WDR53: variants seen among roughly 807,000 people sequenced by gnomAD.
WDR53 encodes WD repeat-containing protein 53.
WDR53 carries 19 observed loss-of-function variants against 21.3 expected under a neutral mutation model. The ratio of observed to expected loss-of-function variants is 0.89; its 90% confidence interval spans 0.62 to 1.31. The LOEUF is 1.31. Ranked by LOEUF, WDR53 falls within the 50% of genes most tolerant of loss-of-function variation. The pLI is 0.00. For missense variants in WDR53, 374 were observed against 423.2 expected (o/e 0.88, Z 1.02); for synonymous variants, 157 against 163.4 (o/e 0.96, Z 0.30).
At chr3:196,560,559 G>A (rs936491674) in intron 3 of WDR53, among the ~76,000 whole-genome samples, 6 of 152,130 alleles carry the variant, frequency 3.9e-5, no homozygotes, top group Non-Finnish European at 8.8e-5. Flanking sequence ...TCAAAACTCA[G>A]CATTGAATAC....
intron 2 of WDR53, among the ~76,000 whole-genome samples, chr3:196,566,046 A>C (rs1035337331): frequency 6.6e-6 from 1 of 152,132 alleles, no homozygotes; most frequent in Non-Finnish European, 1.5e-5. Context: ...TCCTTCTAAT[A>C]CCTAAAGAAA....
intron 3 of WDR53, among the ~76,000 whole-genome samples, chr3:196,557,474 C>T (rs1010583258): frequency 8.5e-5 from 13 of 152,056 alleles, no homozygotes; most frequent in Admixed American, 3.9e-4. Flanking sequence ...TGAGGGAGTG[C>T]GAGGCTGCGG....
intron 3 of WDR53, 47 bp from the exon 4 acceptor site, chr3:196,554,854 T>A: frequency 6.7e-7 from 1 of 1,495,340 alleles, no homozygotes; most frequent in Non-Finnish European, 9.2e-7. Flanking sequence ...GCTAGCCAAT[T>A]TGCTCAACTA....
At chr3:196,559,285 G>A (rs1346013080) in intron 3 of WDR53, among the ~76,000 whole-genome samples, 1 of 152,194 alleles carries the variant, frequency 6.6e-6, no homozygotes, top group Non-Finnish European at 1.5e-5. Context: ...GATTTATAAA[G>A]GGCTTGGTCA....
intron 2 of WDR53, among the ~76,000 whole-genome samples, chr3:196,563,084 T>C (rs1735034553): frequency 6.6e-6 from 1 of 152,218 alleles, no homozygotes; most frequent in Admixed American, 6.5e-5. Flanking sequence ...TGAAGGTCCT[T>C]TTCTAACAAC....
intron 3 of WDR53, among the ~76,000 whole-genome samples, chr3:196,560,778 T>C (rs1240715283): frequency 1.3e-5 from 2 of 152,176 alleles, no homozygotes; most frequent in Non-Finnish European, 2.9e-5. Flanking sequence ...TCTTACAGTA[T>C]AGAGAAAGGA....
At chr3:196,557,949 G>T (rs953550169) in intron 3 of WDR53, among the ~76,000 whole-genome samples, 2 of 151,552 alleles carry the variant, frequency 1.3e-5, no homozygotes, top group Non-Finnish European at 2.9e-5. Context: ...GCTACTTTTT[G>T]TATCTTTTGT....
At chr3:196,567,751 T>TTTGTG (rs1553873529) in intron 1 of WDR53, among the ~76,000 whole-genome samples, 1 of 143,570 alleles carries the variant, frequency 7.0e-6, no homozygotes, top group Non-Finnish European at 1.5e-5. Context: ...GCTGAAATTC[T>TTTGTG]TGTGTGTGTG....
intron 3 of WDR53, among the ~76,000 whole-genome samples, chr3:196,555,201 G>A (rs1288775479): frequency 6.6e-6 from 1 of 152,130 alleles, no homozygotes; most frequent in African/African-American, 2.4e-5. Context: ...AAATAAACTC[G>A]ATCTGGACTA....
intron 3 of WDR53, among the ~76,000 whole-genome samples, chr3:196,559,894 ATAAC>A (rs1261233813): frequency 6.6e-6 from 1 of 152,212 alleles, no homozygotes; most frequent in African/African-American, 2.4e-5. Flanking sequence ...ATTAAAAAAA[ATAAC>A]TAGGAGGGTG....
intron 3 of WDR53, among the ~76,000 whole-genome samples, chr3:196,556,735 C>T (rs1015543705): frequency 1.3e-5 from 2 of 151,908 alleles, no homozygotes; most frequent in Non-Finnish European, 2.9e-5. Flanking sequence ...ACTGTATTGG[C>T]AGATAGACCC....
Position 196,567,319 on chromosome 3 carries a change from G to T in WDR53, c.-447-12C>A. The T allele has an allele frequency of 2.2e-6, 1 of 445,638 alleles. No individual in the cohort carries two copies. Among genetic ancestry groups the T allele is most frequent in the Non-Finnish European group, 4.5e-6 (1 of 222,482 alleles). 27.6% of individuals were successfully genotyped at this position (445,638 alleles called of 1,614,324 possible). A position where few individuals can be genotyped will look rare whatever the true frequency, so the allele number is the denominator to read the frequency against. ...CTGTGGCGCTGGCACTGGTAAGAAT[G>T]AAAAGAATTAGGGTTACTGGACTTG... On this transcript the variant is annotated splice_polypyrimidine_tract_variant and intron_variant, in intron 1 of 3. Transcript: ENST00000332629.
chr3:196,566,801 G>A (rs1735445382), intron 2 of WDR53, 76 bp downstream of exon 2: 1 of 166,196 alleles, frequency 6.0e-6, no homozygotes, highest in African/African-American at 2.4e-5. Flanking sequence ...ATGGGGAAGG[G>A]GCTTGGTGGG....
intron 2 of WDR53, among the ~76,000 whole-genome samples, chr3:196,564,395 C>G (rs980378868): frequency 1.5e-5 from 2 of 135,908 alleles, no homozygotes; most frequent in African/African-American, 5.6e-5. Context: ...TTTCTTTTTT[C>G]TTTTTTTTTT....
chr3:196,554,338 G>A lies in WDR53; in HGVS notation c.950C>T (p.Pro317Leu), dbSNP rs566637633. 4.8e-5 allele frequency: 77 copies of A among 1,614,028 alleles called. No individual in the cohort carries two copies. The South Asian group carries it at 7.5e-4, about 16-fold the overall frequency. The change falls in exon 4 of 4, where the codon CCA becomes CTA. Residue 317 changes from proline (P) to leucine (L), a missense_variant. Pro to Leu is a moderately conservative substitution (Grantham distance 98, BLOSUM62 -3). Coordinates refer to ENST00000332629, the MANE Select transcript of WDR53 (RefSeq NM_182627.3). Reference protein sequence around the residue: ...TDEEEHGNILPKLNIEHGEKV... With the variant: ...TDEEEHGNILLKLNIEHGEKV... ...TTCTCCATGTTCAATATTTAGCTTT[G>A]GTAAAATGTTGCCATGTTCTTCCTC...
intron 1 of WDR53, among the ~76,000 whole-genome samples, chr3:196,567,774 T>C (rs1735563424): frequency 6.6e-6 from 1 of 150,844 alleles, no homozygotes; most frequent in East Asian, 1.9e-4. Context: ...TGTGTGTGTG[T>C]GTGTGTGTGT....
chr3:196,566,422 T>C (rs955827023), intron 2 of WDR53, among the ~76,000 whole-genome samples: 3 of 151,262 alleles, frequency 2.0e-5, no homozygotes. Flanking sequence ...TTTTCTTTTT[T>C]TTTTTTTTGA....
At position 196,554,229 on chromosome 3, in the gene WDR53, G is replaced by A. The variant is rs1734097695; in HGVS notation, c.1059C>T (p.Tyr353=). The change falls in exon 4 of 4, where the codon TAC becomes TAT. Residue 353 remains tyrosine (Y), a synonymous_variant. Transcript: ENST00000332629. The part of the protein sequence containing the change: ...VADQTSCISV[Y]PLNEF ...ATTGGATTTAAAATTCATTTAAGGG[G>A]TATACAGATATACAACTAGTTTGAT... is the stretch of plus-strand genomic sequence containing the variant. 1.2e-6 allele frequency: 2 copies of A among 1,606,756 alleles called. No individual in the cohort carries two copies. The highest frequency in any genetic ancestry group is 4.5e-5 in the East Asian group (2 of 44,826).
intron 3 of WDR53, among the ~76,000 whole-genome samples, chr3:196,555,473 A>G (rs1734238562): frequency 6.6e-6 from 1 of 152,220 alleles, no homozygotes; most frequent in African/African-American, 2.4e-5. Flanking sequence ...CTGTTGATTA[A>G]TATGACATCC....
Sources: allele counts gnomAD v4.1 joint callset (sites outside exome capture counted in the v4.1 genomes callset), GRCh38; gene constraint gnomAD v4.1.1; transcripts MANE v1.5; gene names NCBI Gene and HGNC (gene_info 2026-07-23, HGNC 2026-07-21).